The following RGS12 variants were observed in gnomAD, a reference collection of about 807,000 sequenced individuals.
RGS12 encodes regulator of G-protein signaling 12.
In RGS12, 66 loss-of-function variants were observed where a neutral mutation model predicts 120.1. That is an observed-to-expected ratio of 0.55 (90% CI 0.45 to 0.67). The LOEUF (loss-of-function observed/expected upper bound fraction) is 0.67, where lower values mean the gene tolerates loss of function less well. RGS12 is among the 30% of genes least tolerant of loss of function. RGS12 has a pLI of 0.00. For missense variants in RGS12, 1,859 were observed against 1,957.7 expected (o/e 0.95, Z 0.95); for synonymous variants, 827 against 804.7 (o/e 1.03, Z -0.47).
intron 4 of RGS12, among the ~76,000 whole-genome samples, chr4:3,403,311 C>T (rs1218963281): frequency 6.6e-6 from 1 of 152,192 alleles, no homozygotes; most frequent in African/African-American, 2.4e-5. Context: ...TCTGAGGTAA[C>T]GGGAAGTACA....
At chr4:3,301,769 T>G (rs1272457502) in intron 1 of RGS12, among the ~76,000 whole-genome samples, 13 of 137,534 alleles carry the variant, frequency 9.5e-5, no homozygotes, top group South Asian at 2.4e-4. Context: ...AATGAAGGGG[T>G]GGGGGGCGCA....
chr4:3,378,344 A>G (rs752988353), intron 3 of RGS12: 15 of 152,222 alleles, frequency 9.9e-5, no homozygotes, highest in Non-Finnish European at 1.6e-4. Context: ...CCATGACATC[A>G]GTTTCGGCGA....
intron 1 of RGS12, among the ~76,000 whole-genome samples, chr4:3,310,676 T>A (rs1724335019): frequency 6.6e-6 from 1 of 150,668 alleles, no homozygotes; most frequent in Admixed American, 6.6e-5. Flanking sequence ...TGTGTGTCCC[T>A]GATGAGGTGG....
At chr4:3,304,308 A>G (rs951687702) in intron 1 of RGS12, among the ~76,000 whole-genome samples, 1 of 152,216 alleles carries the variant, frequency 6.6e-6, no homozygotes, top group African/African-American at 2.4e-5. Context: ...ACTACTCATA[A>G]TGTTGGTGGC....
intron 4 of RGS12, among the ~76,000 whole-genome samples, chr4:3,397,972 C>G (rs1720208979): frequency 6.6e-6 from 1 of 152,202 alleles, no homozygotes; most frequent in Admixed American, 6.5e-5. Context: ...CCTAATTCTG[C>G]TACTTCCTAG....
chr4:3,289,784 C>T (rs1053303107), upstream of RGS12, among the ~76,000 whole-genome samples: 1 of 152,208 alleles, frequency 6.6e-6, no homozygotes, highest in South Asian at 2.1e-4. Flanking sequence ...ATAGCTGAAA[C>T]TTTGTGCCCT....
chr4:3,386,357 TTTC>T, intron 3 of RGS12, 56 bp from the exon 4 acceptor site: 1 of 1,537,840 alleles, frequency 6.5e-7, no homozygotes, highest in East Asian at 2.2e-5. Context: ...GGACTTTTCG[TTTC>T]CTGGAGTTTT....
intron 2 of RGS12, among the ~76,000 whole-genome samples, chr4:3,330,477 C>G (rs1213220708): frequency 6.6e-6 from 1 of 152,162 alleles, no homozygotes; most frequent in Non-Finnish European, 1.5e-5. Flanking sequence ...AGAGAAGATA[C>G]CTGTACTAGA....
At chr4:3,347,857 A>G (rs928843949) in intron 3 of RGS12, among the ~76,000 whole-genome samples, 11 of 152,230 alleles carry the variant, frequency 7.2e-5, no homozygotes, top group African/African-American at 2.7e-4. Context: ...CATACAACAT[A>G]ATAACTAGAG....
intron 3 of RGS12, chr4:3,385,430 C>T: frequency 6.5e-6 from 1 of 153,894 alleles, no homozygotes; most frequent in Non-Finnish European, 1.4e-5. Context: ...CCCTGGTGAG[C>T]CAGCCTCTTC....
chr4:3,417,765 A>C, intron 9 of RGS12: 1 of 559,238 alleles, frequency 1.8e-6, no homozygotes, highest in Non-Finnish European at 3.2e-6. Flanking sequence ...AATCTTCCAG[A>C]GAAAAGGGCT....
chr4:3,437,990 T>C (rs1724973031), intron 17 of RGS12, among the ~76,000 whole-genome samples: 4 of 152,132 alleles, frequency 2.6e-5, no homozygotes, highest in South Asian at 2.1e-4. Flanking sequence ...ACGGAGCCGC[T>C]GGGGCAGCAA....
At chr4:3,323,807 A>G (rs772364649) in intron 2 of RGS12, among the ~76,000 whole-genome samples, 16 of 151,698 alleles carry the variant, frequency 1.1e-4, no homozygotes, top group East Asian at 5.8e-4. Context: ...AAGTTTGCCA[A>G]ATTGCTCACC....
chr4:3,357,486 G>GT (rs1715003319), intron 3 of RGS12, among the ~76,000 whole-genome samples: 1 of 152,058 alleles, frequency 6.6e-6, no homozygotes, highest in East Asian at 1.9e-4. Context: ...TTTCTTCTAA[G>GT]TTTTATAGTT....
intron 3 of RGS12, among the ~76,000 whole-genome samples, chr4:3,358,405 G>A (rs909563768): frequency 1.3e-5 from 2 of 152,152 alleles, no homozygotes; most frequent in African/African-American, 4.8e-5. Context: ...TTCATGCCTT[G>A]TTCCTGATCT....
intron 4 of RGS12, among the ~76,000 whole-genome samples, chr4:3,412,008 T>G (rs566268573): frequency 1.6e-3 from 251 of 152,396 alleles, no homozygotes; most frequent in Middle Eastern, 6.8e-3. Context: ...GTCACACATT[T>G]GATCTATAAC....
chr4:3,414,963 CGTGAGAGGGGCGT>C (rs1337637579), intron 6 of RGS12, 119 bp downstream of exon 6: 2 of 422,310 alleles, frequency 4.7e-6, no homozygotes, highest in Non-Finnish European at 7.8e-6. Context: ...GTGTGAGGGG[CGTGAGAGGGGCGT>C]GTGAGAGGTT....
chr4:3,301,937 C>T (rs1455454185), intron 1 of RGS12, among the ~76,000 whole-genome samples: 2 of 151,946 alleles, frequency 1.3e-5, no homozygotes, highest in East Asian at 1.9e-4. Flanking sequence ...TTGGGGCGCA[C>T]TCATACTAGG....
intron 1 of RGS12, among the ~76,000 whole-genome samples, chr4:3,296,852 A>G (rs995879760): frequency 6.6e-5 from 10 of 152,192 alleles, no homozygotes; most frequent in African/African-American, 2.4e-4. Context: ...TGCAAGCCCC[A>G]GTCATGAGAG....
Sources: gnomAD v4.1 joint callset for allele counts (sites outside exome capture counted in the v4.1 genomes callset) on GRCh38, gnomAD v4.1.1 for gene constraint, MANE v1.5 for transcripts, NCBI Gene and HGNC (gene_info 2026-07-23, HGNC 2026-07-21) for gene names.